The following ASCC3 variants were observed in gnomAD, a reference collection of about 807,000 sequenced individuals.
ASCC3 encodes ASC-1 complex subunit P200.
In ASCC3, 158 loss-of-function variants were observed where a neutral mutation model predicts 256.3. The ratio of observed to expected loss-of-function variants is 0.62; its 90% confidence interval spans 0.54 to 0.70. The LOEUF (loss-of-function observed/expected upper bound fraction) is 0.70, where lower values mean the gene tolerates loss of function less well. Among genes scored for constraint, ASCC3 ranks in the 30% least tolerant of loss-of-function variants. The pLI, the probability that ASCC3 is intolerant of heterozygous loss-of-function variation, is 0.00. For synonymous variants in ASCC3, 948 were observed against 883.4 expected, an observed-to-expected ratio of 1.07 and a Z score of -1.30; for missense variants, 2,259 against 2,626.0, an observed-to-expected ratio of 0.86 and a Z score of 3.05.
chr6:100,764,531 A>C (rs942700008), intron 10 of ASCC3, among the ~76,000 whole-genome samples: 11 of 152,230 alleles, frequency 7.2e-5, no homozygotes, highest in African/African-American at 2.7e-4. Context: ...TAGACAATAA[A>C]AAGAATCTGA....
Position 100,798,891 on chromosome 6 carries a change from T to C in ASCC3, c.1270-53A>G, listed in dbSNP as rs1769769066. ...TAATAATAAAAAATAAAACACTTGCTCTGGTAAATATTCTTTAGAGAGAGA... is the reference window on the plus strand; with the variant it reads ...TAATAATAAAAAATAAAACACTTGCCCTGGTAAATATTCTTTAGAGAGAGA... On this transcript the variant is annotated intron_variant, in intron 7 of 41. Transcript: ENST00000369162. 5 of 1,466,114 alleles carry C rather than the reference T, an allele frequency of 3.4e-6. No individual in the cohort carries two copies. The Admixed American group carries it at 6.9e-5, about 20-fold the overall frequency. 90.8% of individuals were successfully genotyped at this position (1,466,114 alleles called of 1,614,324 possible). A position where few individuals can be genotyped will look rare whatever the true frequency, so the allele number is the denominator to read the frequency against.
intron 36 of ASCC3, among the ~76,000 whole-genome samples, chr6:100,554,808 T>C (rs1582439065): frequency 6.6e-6 from 1 of 152,120 alleles, no homozygotes; most frequent in East Asian, 1.9e-4. Flanking sequence ...TCCAGATATA[T>C]CAACGGATAA....
chr6:100,767,428 C>T, intron 8 of ASCC3, 83 bp from the exon 9 acceptor site: 1 of 1,396,368 alleles, frequency 7.2e-7, no homozygotes, highest in Non-Finnish European at 1.0e-6. Flanking sequence ...CATTTATTTC[C>T]TTTGTTTTTT....
chr6:100,875,127 G>A lies in ASCC3; in HGVS notation c.-42+5934C>T, dbSNP rs75367627. ...AACAGGACACAGGCAAACCAGTTGGGAAGTTATTTCAATAAACCAACTGAA... is the reference window on the plus strand; with the variant it reads ...AACAGGACACAGGCAAACCAGTTGGAAAGTTATTTCAATAAACCAACTGAA... On this transcript the variant is annotated intron_variant, in intron 1 of 41. Transcript: ENST00000369162. Among the ~76,000 whole-genome samples, 587 of 151,942 alleles carry A rather than the reference G, an allele frequency of 3.9e-3. 8 individuals are homozygous for A. Among genetic ancestry groups the A allele is most frequent in the African/African-American group, 0.014 (564 of 41,512 alleles).
intron 34 of ASCC3, among the ~76,000 whole-genome samples, chr6:100,591,628 T>TA (rs1772003920): frequency 6.6e-6 from 1 of 152,066 alleles, no homozygotes; most frequent in South Asian, 2.1e-4. Context: ...ATTCTTTTTT[T>TA]AAACCAAATC....
intron 2 of ASCC3, among the ~76,000 whole-genome samples, chr6:100,865,540 T>C (rs754396276): frequency 2.0e-5 from 3 of 152,176 alleles, no homozygotes; most frequent in Non-Finnish European, 4.4e-5. Flanking sequence ...AGGTTAACTG[T>C]TTTGTATCTA....
At chr6:100,636,996 A>C (rs1774876191) in intron 25 of ASCC3, among the ~76,000 whole-genome samples, 1 of 152,212 alleles carries the variant, frequency 6.6e-6, no homozygotes, top group African/African-American at 2.4e-5. Context: ...TGGAAAATAT[A>C]GCAAAGATAA....
intron 34 of ASCC3, among the ~76,000 whole-genome samples, chr6:100,596,148 T>G (rs984159401): frequency 6.6e-6 from 1 of 152,180 alleles, no homozygotes; most frequent in Non-Finnish European, 1.5e-5. Context: ...TAAATTTTTT[T>G]GCCATCCCTT....
intron 30 of ASCC3, 36 bp from the exon 31 acceptor site, chr6:100,607,124 A>G: frequency 6.3e-7 from 1 of 1,599,228 alleles, no homozygotes; most frequent in Non-Finnish European, 8.6e-7. Context: ...ATGTAGATGC[A>G]TAACTTTAAA....
chr6:100,776,832 A>G (rs1782215472), intron 8 of ASCC3, among the ~76,000 whole-genome samples: 1 of 152,080 alleles, frequency 6.6e-6, no homozygotes, highest in Non-Finnish European at 1.5e-5. Flanking sequence ...AAATATCATA[A>G]GCTTAAGTTT....
At chr6:100,757,955 C>CA (rs1208907974) in intron 10 of ASCC3, among the ~76,000 whole-genome samples, 1 of 152,140 alleles carries the variant, frequency 6.6e-6, no homozygotes, top group African/African-American at 2.4e-5. Context: ...CAACACCAGC[C>CA]AAACACCACA....
At chr6:100,828,367 G>T (rs185419966) in intron 4 of ASCC3, among the ~76,000 whole-genome samples, 1 of 152,134 alleles carries the variant, frequency 6.6e-6, no homozygotes, top group African/African-American at 2.4e-5. Context: ...CCCTTTATCC[G>T]CGGTGGGGAG....
At chr6:100,526,997 T>A (rs959439182) in intron 37 of ASCC3, among the ~76,000 whole-genome samples, 7 of 152,168 alleles carry the variant, frequency 4.6e-5, no homozygotes. Context: ...ACAAAAAATC[T>A]CTTTTTCCAG....
intron 2 of ASCC3, 131 bp downstream of exon 2, chr6:100,867,777 A>T (rs1773548793): frequency 1.3e-6 from 1 of 771,772 alleles, no homozygotes. Flanking sequence ...CACATTCTCC[A>T]TCTTTGCCTC....
intron 3 of ASCC3, among the ~76,000 whole-genome samples, chr6:100,852,220 G>A (rs1372396244): frequency 1.3e-5 from 2 of 152,178 alleles, no homozygotes; most frequent in Non-Finnish European, 2.9e-5. Flanking sequence ...GCAGTCAGTT[G>A]TCTAATTAGC....
chr6:100,818,779 T>C (rs1330450763), intron 4 of ASCC3, among the ~76,000 whole-genome samples: 1 of 91,906 alleles, frequency 1.1e-5, no homozygotes, highest in African/African-American at 4.5e-5. Flanking sequence ...AAAAGAAATA[T>C]AAGGCATCTA....
rs565388400 is a variant in ASCC3 at position 100,868,718 on chromosome 6, T to C, written c.-41-680A>G. On this transcript the variant is annotated intron_variant, in intron 1 of 41. Transcript: ENST00000369162. ...ATAGACAACAGAACCAGAATATTTT[T>C]GGTACTCAATAAGTATCTGTTAATG... Among the ~76,000 whole-genome samples the C allele has an allele frequency of 1.3e-4, 20 of 152,326 alleles. No homozygotes were observed. In the South Asian group the frequency reaches 4.1e-3, roughly 32 times the overall value.
chr6:100,699,359 T>G (rs1042075166), intron 13 of ASCC3, among the ~76,000 whole-genome samples: 1 of 152,162 alleles, frequency 6.6e-6, no homozygotes, highest in African/African-American at 2.4e-5. Flanking sequence ...TCTCTTTTCC[T>G]GCCGCCATCC....
intron 36 of ASCC3, among the ~76,000 whole-genome samples, chr6:100,564,128 G>C (rs546775432): frequency 1.3e-5 from 2 of 149,716 alleles, no homozygotes; most frequent in African/African-American, 2.4e-5. Context: ...TATAATAGTT[G>C]TACATATTCA....
Sources: allele counts gnomAD v4.1 joint callset (sites outside exome capture counted in the v4.1 genomes callset), GRCh38; gene constraint gnomAD v4.1.1; transcripts MANE v1.5; gene names NCBI Gene and HGNC (gene_info 2026-07-23, HGNC 2026-07-21).